AXL: variants seen among roughly 807,000 people sequenced by gnomAD.
The protein encoded by AXL is tyrosine-protein kinase receptor UFO.
A neutral mutation model predicts 104.5 loss-of-function variants in AXL; 52 were observed. The observed-to-expected ratio is 0.50, with a 90% confidence interval of 0.40 to 0.63. The LOEUF is 0.63. AXL is among the 20% of genes least tolerant of loss of function. The pLI, the probability that AXL is intolerant of heterozygous loss-of-function variation, is 0.00. For missense variants in AXL, 1,024 were observed against 1,188.5 expected, an observed-to-expected ratio of 0.86 and a Z score of 2.04; for synonymous variants, 455 against 473.7, an observed-to-expected ratio of 0.96 and a Z score of 0.51.
At chr19:41,225,377 G>A (rs1053305616) in intron 4 of AXL, among the ~76,000 whole-genome samples, 2 of 152,216 alleles carry the variant, frequency 1.3e-5, no homozygotes, top group Non-Finnish European at 2.9e-5. Context: ...ATCTTATGGC[G>A]TAGATGGAGG....
intron 17 of AXL, among the ~76,000 whole-genome samples, chr19:41,254,456 G>A (rs184981751): frequency 6.6e-6 from 1 of 151,286 alleles, no homozygotes; most frequent in Non-Finnish European, 1.5e-5. Flanking sequence ...CATTCCCAAG[G>A]CTTAGGTGAG....
At chr19:41,247,811 C>T (rs1232713524) in intron 12 of AXL, among the ~76,000 whole-genome samples, 1 of 151,878 alleles carries the variant, frequency 6.6e-6, no homozygotes, top group East Asian at 1.9e-4. Context: ...TTTTGAATTC[C>T]TGGACTCAAG....
chr19:41,221,839 C>G, intron 3 of AXL, 41 bp from the exon 4 acceptor site: 2 of 1,599,286 alleles, frequency 1.3e-6, no homozygotes, highest in Non-Finnish European at 1.7e-6. Flanking sequence ...ATCTTGGGGC[C>G]TCAGAGGGAC....
rs1363946537 is a variant in AXL, at chr19:41,238,459, C to T, written c.995-11C>T. 2.5e-6 allele frequency: 4 copies of T among 1,605,572 alleles called. No homozygotes were observed. The highest frequency in any genetic ancestry group is 1.7e-4 in the Middle Eastern group (1 of 5,778). ...TGGGGGTGCCAGCTTCCCCTCTTCC[C>T]TGTCCTCCAGTGCCCCTGGGCCCCC... On this transcript the variant is annotated splice_polypyrimidine_tract_variant and intron_variant, in intron 7 of 19. Coordinates refer to ENST00000301178, the MANE Select transcript of AXL (RefSeq NM_021913.5).
In AXL at chr19:41,252,332, C is replaced by T. The variant is rs765814294; in HGVS notation, c.1712-19C>T. On this transcript the variant is annotated intron_variant, in intron 14 of 19. Coordinates refer to ENST00000301178, the MANE Select transcript of AXL (RefSeq NM_021913.5). ...CCCTCTCCTCCCCTCCTCCTCACGA[C>T]CTTTCTCTCTCCCTCAAGTTGCCAT... The T allele has an allele frequency of 6.2e-7, 1 of 1,611,604 alleles. No homozygotes were observed. Among genetic ancestry groups the T allele is most frequent in the Non-Finnish European group, 8.5e-7 (1 of 1,178,164 alleles).
In AXL at chr19:41,238,120, G is replaced by T; in HGVS notation, c.960G>T (p.Trp320Cys). The T allele has an allele frequency of 1.2e-6, 2 of 1,614,050 alleles. No individual in the cohort carries two copies. Among genetic ancestry groups the T allele is most frequent in the Non-Finnish European group, 1.7e-6 (2 of 1,180,020 alleles). The change falls in exon 7 of 20, where the codon TGG (tryptophan) becomes TGT (cysteine). Residue 320 changes from tryptophan to cysteine, a missense_variant. Transcript: ENST00000301178. ...CCAGCAGCCAGGGCCCCTCATCCTG[G>T]ACCCACTGGCTTCCTGTGGAGACGC... ...ACTSSQGPSSWTHWLPVETPE... is the reference protein window; with the variant it reads ...ACTSSQGPSSCTHWLPVETPE...
At chr19:41,232,836 C>T (rs746525090) in intron 6 of AXL, among the ~76,000 whole-genome samples, 6 of 152,040 alleles carry the variant, frequency 3.9e-5, no homozygotes, top group Non-Finnish European at 5.9e-5. Context: ...CTTGCATTAA[C>T]GCACACCTGC....
intron 14 of AXL, among the ~76,000 whole-genome samples, chr19:41,249,970 C>T (rs1191591810): frequency 6.6e-6 from 1 of 152,122 alleles, no homozygotes; most frequent in Non-Finnish European, 1.5e-5. Context: ...CAGGGGCCGG[C>T]CCACTGTGAT....
At chr19:41,240,713 C>A (rs2034167551) in intron 10 of AXL, among the ~76,000 whole-genome samples, 1 of 152,062 alleles carries the variant, frequency 6.6e-6, no homozygotes, top group African/African-American at 2.4e-5. Context: ...TAATCCGTTC[C>A]TCCCACATGA....
intron 14 of AXL, among the ~76,000 whole-genome samples, chr19:41,251,584 C>T (rs569082514): frequency 1.3e-5 from 2 of 151,268 alleles, no homozygotes; most frequent in South Asian, 2.1e-4. Flanking sequence ...AAAAATTATC[C>T]GGGATGGTGG....
At chr19:41,227,576 C>A (rs2033905508) in intron 4 of AXL, among the ~76,000 whole-genome samples, 1 of 151,642 alleles carries the variant, frequency 6.6e-6, no homozygotes, top group South Asian at 2.1e-4. Context: ...ACCTCCGCAG[C>A]CCGGGTTCTA....
rs1214476301 is a variant in AXL, at chr19:41,261,028, G to C, written c.*1124G>C. 6.6e-6 allele frequency: 1 copy of C among 152,142 alleles called. No individual in the cohort carries two copies. The highest frequency in any genetic ancestry group is 2.4e-5 in the African/African-American group (1 of 41,432). 9.4% of individuals were successfully genotyped at this position (152,142 alleles called of 1,614,324 possible). A position where few individuals can be genotyped will look rare whatever the true frequency, so the allele number is the denominator to read the frequency against. On this transcript the variant is annotated 3_prime_UTR_variant, in exon 20 of 20. Coordinates refer to ENST00000301178, the MANE Select transcript of AXL (RefSeq NM_021913.5). ...AGATCCTAGATCCTAAGGGTCGAAA[G>C]CTCTAGAATCTGCAATTCAAAAGTT...
At chr19:41,243,071 A>G (rs1187549638) in intron 11 of AXL, 56 bp downstream of exon 11, 6 of 1,610,866 alleles carry the variant, frequency 3.7e-6, no homozygotes, top group Non-Finnish European at 5.1e-6. Context: ...GGCTGGAGGC[A>G]GGGAGGCCAG....
chr19:41,227,678 G>T (rs1249445243), intron 4 of AXL, among the ~76,000 whole-genome samples: 1 of 151,892 alleles, frequency 6.6e-6, no homozygotes, highest in Non-Finnish European at 1.5e-5. Flanking sequence ...AGTAGAGACG[G>T]GGGTTTCACT....
At chr19:41,259,048 G>C (rs2034495866) in intron 19 of AXL, among the ~76,000 whole-genome samples, 2 of 152,176 alleles carry the variant, frequency 1.3e-5, no homozygotes, top group African/African-American at 4.8e-5. Context: ...CAACCCAGGA[G>C]AAAGTGCGAG....
chr19:41,238,055 C>T lies in AXL; in HGVS notation c.895C>T (p.Leu299Phe). The change falls in exon 7 of 20, where the codon CTC becomes TTC. Residue 299 changes from leucine (L) to phenylalanine (F), a missense_variant. Leu to Phe is a conservative substitution (Grantham distance 22, BLOSUM62 0). Coordinates refer to ENST00000301178, the MANE Select transcript of AXL (RefSeq NM_021913.5). ...CCCCCATCAGCTTCGGCTAGGCAGC[C>T]TCCATCCTCACACCCCTTATCACAT... ...VPPHQLRLGS[L>F]HPHTPYHIRV... 6.2e-7 allele frequency: 1 copy of T among 1,614,084 alleles called. No individual in the cohort carries two copies. Among genetic ancestry groups the T allele is most frequent in the Non-Finnish European group, 8.5e-7 (1 of 1,180,006 alleles).
At chr19:41,232,202 C>T (rs764117408) in intron 6 of AXL, among the ~76,000 whole-genome samples, 3 of 152,208 alleles carry the variant, frequency 2.0e-5, no homozygotes, top group Non-Finnish European at 4.4e-5. Context: ...TCCCAGTCAC[C>T]ACTGGCTCCT....
intron 12 of AXL, among the ~76,000 whole-genome samples, chr19:41,244,864 A>C (rs2034244793): frequency 6.6e-6 from 1 of 151,838 alleles, no homozygotes; most frequent in Non-Finnish European, 1.5e-5. Context: ...TCACTTGCCC[A>C]AGGCCACACA....
At chr19:41,247,479 G>C (rs2034289796) in intron 12 of AXL, among the ~76,000 whole-genome samples, 1 of 151,972 alleles carries the variant, frequency 6.6e-6, no homozygotes, top group Non-Finnish European at 1.5e-5. Context: ...CTCCAGCCTG[G>C]GCAACAGGAA....
Sources: gnomAD v4.1 joint callset for allele counts (sites outside exome capture counted in the v4.1 genomes callset) on GRCh38, gnomAD v4.1.1 for gene constraint, MANE v1.5 for transcripts, NCBI Gene and HGNC (gene_info 2026-07-23, HGNC 2026-07-21) for gene names.